The following FHIP2A variants were observed in gnomAD, a reference collection of about 807,000 sequenced individuals.
The protein encoded by FHIP2A is family with sequence similarity 160 member B1.
Under a neutral mutation model 93.5 loss-of-function variants are expected in FHIP2A, and 46 were observed. The observed-to-expected ratio is 0.49, with a 90% CI of 0.39 to 0.63. The LOEUF is 0.63. FHIP2A is among the 20% of genes least tolerant of loss of function. The pLI is 0.00. For synonymous variants in FHIP2A, 332 were observed against 326.5 expected (o/e 1.02, Z -0.18); for missense variants, 769 against 909.7 (o/e 0.85, Z 1.99).
rs1298950222 is a variant in FHIP2A at position 114,862,041 on chromosome 10, C to T, written c.*501C>T. 1.0e-6 allele frequency: 1 copy of T among 966,310 alleles called. No homozygotes were observed. Among genetic ancestry groups the T allele is most frequent in the African/African-American group, 1.8e-5 (1 of 56,678 alleles). 59.9% of individuals were successfully genotyped at this position (966,310 alleles called of 1,614,324 possible). Reference sequence around the variant, plus strand: ...GAAAACTGTAAATGAGAAAAAAATACAATTCAGAAACCATTGAATGAATTA... The same window carrying T: ...GAAAACTGTAAATGAGAAAAAAATATAATTCAGAAACCATTGAATGAATTA... On this transcript the variant is annotated 3_prime_UTR_variant, in exon 17 of 17. Coordinates refer to ENST00000369248, the MANE Select transcript of FHIP2A (RefSeq NM_020940.4).
chr10:114,866,611 A>G (rs2083830454), downstream of FHIP2A, among the ~76,000 whole-genome samples: 1 of 152,222 alleles, frequency 6.6e-6, no homozygotes, highest in Non-Finnish European at 1.5e-5. Flanking sequence ...AGAACTTTCT[A>G]TGAACCAGGT....
chr10:114,824,032 A>G (rs1242633851), intron 1 of FHIP2A, among the ~76,000 whole-genome samples: 3 of 152,160 alleles, frequency 2.0e-5, no homozygotes, highest in African/African-American at 7.2e-5. Flanking sequence ...GAATGAAGTG[A>G]TGTGTAGGCA....
rs144282798 is a variant in FHIP2A at position 114,890,066 on chromosome 10, T to C, written c.2193-9424T>C. Among the ~76,000 whole-genome samples the C allele has an allele frequency of 3.7e-3, 564 of 152,254 alleles. 4 individuals are homozygous for C. The highest frequency in any genetic ancestry group is 0.013 in the African/African-American group (542 of 41,538). ...TTTTTGAGACAGAGTTTCACTCTGTTGCCCAGGCTGGCGTGCAGTGGCATG... is the reference window on the plus strand; with the variant it reads ...TTTTTGAGACAGAGTTTCACTCTGTCGCCCAGGCTGGCGTGCAGTGGCATG... On this transcript the variant is annotated intron_variant, in intron 16 of 16. Transcript: ENST00000369250.
chr10:114,867,066 AGGCATGGT>A (rs1216090959), downstream of FHIP2A, among the ~76,000 whole-genome samples: 3 of 152,034 alleles, frequency 2.0e-5, no homozygotes, highest in South Asian at 2.1e-4. Flanking sequence ...AAACTTAGCC[AGGCATGGT>A]GGCACGTGCC....
Position 114,822,049 on chromosome 10 carries a change from C to A in FHIP2A, c.-30C>A. The A allele has an allele frequency of 7.8e-7, 1 of 1,275,640 alleles. No homozygotes were observed. The highest frequency in any genetic ancestry group is 2.3e-5 in the South Asian group (1 of 42,680). 79.0% of individuals were successfully genotyped at this position (1,275,640 alleles called of 1,614,324 possible). On this transcript the variant is annotated 5_prime_UTR_variant, in exon 1 of 17. Transcript: ENST00000369248. ...GATCGAGGAGCTCTCCAGGTCGTCC[C>A]GGGAGAGGCTGCTGCAGTCCCGGGA...
chr10:114,883,834 C>T (rs1219343795), intron 16 of FHIP2A, among the ~76,000 whole-genome samples: 2 of 152,144 alleles, frequency 1.3e-5, no homozygotes, highest in Admixed American at 1.3e-4. Context: ...CCCGCCTTGG[C>T]CTCCCAAAGT....
chr10:114,875,206 C>T (rs1162901641), intron 16 of FHIP2A, among the ~76,000 whole-genome samples: 2 of 151,960 alleles, frequency 1.3e-5, no homozygotes, highest in African/African-American at 4.8e-5. Flanking sequence ...TGCTGTGCTG[C>T]GGAAGGACTG....
chr10:114,863,455 G>A lies in FHIP2A; in HGVS notation c.*1915G>A. ...TCTTTTATCCTTGATTCCACTATGG[G>A]ACCTTATAACTAGTCCATGAAACCA... On this transcript the variant is annotated 3_prime_UTR_variant, in exon 17 of 17. Transcript: ENST00000369248. 9.1e-7 allele frequency: 1 copy of A among 1,103,074 alleles called. No homozygotes were observed. The highest frequency in any genetic ancestry group is 1.1e-6 in the Non-Finnish European group (1 of 898,986). The allele number at this position is 1,103,074 out of a possible 1,614,324, so 68.3% of individuals were successfully genotyped here.
At chr10:114,824,629 C>T (rs1037408676) in intron 1 of FHIP2A, among the ~76,000 whole-genome samples, 1 of 152,198 alleles carries the variant, frequency 6.6e-6, no homozygotes, top group Non-Finnish European at 1.5e-5. Flanking sequence ...GGAATGAACT[C>T]ATGTGCAATG....
intron 16 of FHIP2A, among the ~76,000 whole-genome samples, chr10:114,872,627 T>G (rs1480938092): frequency 6.6e-6 from 1 of 152,180 alleles, no homozygotes; most frequent in Non-Finnish European, 1.5e-5. Context: ...GCCATTAGGA[T>G]AATCAAGGGA....
At chr10:114,894,213 T>C (rs1353721430) in intron 16 of FHIP2A, among the ~76,000 whole-genome samples, 3 of 152,148 alleles carry the variant, frequency 2.0e-5, no homozygotes, top group Non-Finnish European at 4.4e-5. Context: ...AAATATTTAT[T>C]GTGTGCTTGT....
At chr10:114,836,042 C>A in intron 4 of FHIP2A, 82 bp from the exon 5 acceptor site, 3 of 1,063,444 alleles carry the variant, frequency 2.8e-6, no homozygotes, top group South Asian at 1.8e-5. Flanking sequence ...ATTTAAATAT[C>A]CTTAAGGTAA....
At chr10:114,883,808 G>A (rs772008572) in intron 16 of FHIP2A, among the ~76,000 whole-genome samples, 3 of 152,092 alleles carry the variant, frequency 2.0e-5, no homozygotes, top group Admixed American at 2.0e-4. Context: ...TCGAACTCCC[G>A]ACCTCAGGTG....
At position 114,834,066 on chromosome 10, in the gene FHIP2A, AG is replaced by A. The variant is rs140686823; in HGVS notation, c.294+668del. On this transcript the variant is annotated intron_variant, in intron 3 of 16. Coordinates refer to ENST00000369248, the MANE Select transcript of FHIP2A (RefSeq NM_020940.4). ...TTTAAAATCCAGGAAGTGTTTGCTA[AG>A]GGGCCTCCCCAGCCCTAAAAGTCTA... Among the ~76,000 whole-genome samples, 218 of 152,272 alleles carry A rather than the reference AG, an allele frequency of 1.4e-3. 8 individuals are homozygous for A. The East Asian group carries it at 0.04, about 28-fold the overall frequency.
At chr10:114,823,745 G>A (rs1335422541) in intron 1 of FHIP2A, among the ~76,000 whole-genome samples, 7 of 151,036 alleles carry the variant, frequency 4.6e-5, no homozygotes, top group Admixed American at 1.3e-4. Flanking sequence ...GTGATCGCCC[G>A]CCTTGGCCTC....
rs766477478 is a variant in FHIP2A, at chr10:114,843,161, T to G, written c.751T>G (p.Ser251Ala). 1.9e-6 allele frequency: 3 copies of G among 1,614,118 alleles called. No individual in the cohort carries two copies. The highest frequency in any genetic ancestry group is 2.5e-6 in the Non-Finnish European group (3 of 1,179,990). The change falls in exon 6 of 17, where the codon TCG becomes GCG. Residue 251 changes from serine to alanine, a missense_variant. Ser to Ala is a moderately conservative substitution (Grantham distance 99, BLOSUM62 1). Coordinates refer to ENST00000369248, the MANE Select transcript of FHIP2A (RefSeq NM_020940.4). ...NLSVTSLPEA[S>A]VVCPNQDYNL... is the part of the protein sequence containing the mutation. ...CAGTGTCACCTCACTGCCAGAGGCC[T>G]CGGTTGTTTGTCCAAATCAGGATTA... is the stretch of plus-strand genomic sequence containing the variant.
chr10:114,845,607 A>AGTAAACAAAAAAGTGTATATGTGTTT, intron 8 of FHIP2A, 126 bp downstream of exon 8: 1 of 639,768 alleles, frequency 1.6e-6, no homozygotes, highest in Admixed American at 2.9e-5. Context: ...TAGTAAAATA[A>AGTAAACAAAAAAGTGTATATGTGTTT]GTAAACAAAA....
intron 5 of FHIP2A, among the ~76,000 whole-genome samples, chr10:114,839,568 T>C (rs1208253855): frequency 6.6e-6 from 1 of 152,106 alleles, no homozygotes; most frequent in Non-Finnish European, 1.5e-5. Context: ...TAAATATATA[T>C]GGTAGATGAG....
At chr10:114,849,253 T>G (rs2083720530) in intron 13 of FHIP2A, among the ~76,000 whole-genome samples, 1 of 152,156 alleles carries the variant, frequency 6.6e-6, no homozygotes, top group East Asian at 1.9e-4. Flanking sequence ...TTTGTGCTCT[T>G]TAATTTTTTC....
Sources: gnomAD v4.1 joint callset for allele counts (sites outside exome capture counted in the v4.1 genomes callset) on GRCh38, gnomAD v4.1.1 for gene constraint, MANE v1.5 for transcripts, NCBI Gene and HGNC (gene_info 2026-07-23, HGNC 2026-07-21) for gene names.